Variants in KCNQ1 observed in about 807,000 individuals in gnomAD.
KCNQ1 encodes the protein potassium voltage-gated channel subfamily Q member 1.
In KCNQ1, 49 loss-of-function variants were observed where a neutral mutation model predicts 72.4. The observed-to-expected ratio is 0.68, with a 90% CI of 0.54 to 0.86. The LOEUF is 0.86. KCNQ1 is among the 40% of genes least tolerant of loss of function. KCNQ1 has a pLI of 0.00. For missense variants in KCNQ1, 790 were observed against 945.1 expected (o/e 0.84, Z 2.15); for synonymous variants, 450 against 412.6 (o/e 1.09, Z -1.10).
At chr11:2,521,511 G>T (rs1402290630) in intron 1 of KCNQ1, 1 of 470,660 alleles carries the variant, frequency 2.1e-6, no homozygotes, top group Non-Finnish European at 4.4e-6. Context: ...TCACGAGAGT[G>T]CAAAGTTCTG....
chr11:2,702,831 C>A (rs1448720566), intron 11 of KCNQ1, among the ~76,000 whole-genome samples: 1 of 152,164 alleles, frequency 6.6e-6, no homozygotes, highest in Non-Finnish European at 1.5e-5. Context: ...GCTCACCAGA[C>A]GTGGTCAGGA....
At position 2,648,466 on chromosome 11, in the gene KCNQ1, G is replaced by T. The variant is rs116561080; in HGVS notation, c.1394-13495G>T. The T allele has an allele frequency of 3.3e-3, 1,315 of 398,348 alleles. 13 individuals are homozygous for T. The highest frequency in any genetic ancestry group is 0.017 in the African/African-American group (841 of 48,698). 24.7% of individuals were successfully genotyped at this position (398,348 alleles called of 1,614,324 possible). ...TGTACCCTATACATTTTTGTATGCT[G>T]TGTTTCTATTTTCATTTGTTTCAAA... On this transcript the variant is annotated intron_variant, in intron 10 of 15. Coordinates refer to ENST00000155840, the MANE Select transcript of KCNQ1 (RefSeq NM_000218.3).
chr11:2,823,266 G>A (rs759931423), intron 15 of KCNQ1, among the ~76,000 whole-genome samples: 13 of 152,212 alleles, frequency 8.5e-5, no homozygotes, highest in Non-Finnish European at 1.6e-4. Context: ...GAAAATTTAT[G>A]AAGAGAGATG....
Position 2,787,507 on chromosome 11 carries a change from T to C in KCNQ1, c.1794+9470T>C, listed in dbSNP as rs11024084. On this transcript the variant is annotated intron_variant, in intron 15 of 15. Coordinates refer to ENST00000155840, the MANE Select transcript of KCNQ1 (RefSeq NM_000218.3). This position sits in a 1 kb window ranked among gnomAD's most constrained non-coding sequence, Gnocchi z 6.3. The stretch of plus-strand genomic sequence containing the variant: ...CCTTACTTCCTGGTCAGCTCATCCA[T>C]GCTAGCCACAGATATCATTTTAAAT... Among the ~76,000 whole-genome samples the C allele has an allele frequency of 0.2, 31,187 of 152,186 alleles. 3,419 individuals are homozygous for C. Among genetic ancestry groups the C allele is most frequent in the Admixed American group, 0.29 (4,447 of 15,290 alleles).
chr11:2,805,586 C>T (rs1280095875), intron 15 of KCNQ1, among the ~76,000 whole-genome samples: 1 of 152,202 alleles, frequency 6.6e-6, no homozygotes, highest in East Asian at 1.9e-4. Context: ...TCGTCCCTGG[C>T]TAACCTTACA....
At chr11:2,633,368 T>C (rs1450940173) in intron 10 of KCNQ1, 2 of 398,432 alleles carry the variant, frequency 5.0e-6, no homozygotes, top group Admixed American at 8.8e-5. Context: ...TGTAGGTTTT[T>C]AGTTTGATAC....
At position 2,588,840 on chromosome 11, in the gene KCNQ1, G is replaced by A. The variant is rs770410327; in HGVS notation, c.1379G>A (p.Gly460Asp). Residue 460 changes from glycine to aspartate, a missense_variant, in exon 10 of 16, where the codon GGC becomes GAC. Around this residue, in one of 5 missense-constraint regions of KCNQ1, gnomAD observed 178 missense variants for 177.9 expected, o/e 1.00. Transcript: ENST00000155840. The surrounding 1 kb of genome is among the most constrained non-coding windows in gnomAD (Gnocchi z 5.6). ...ERRLDHFSVD[G>D]YDSSVRKSPT... Reference sequence around the variant, plus strand: ...CGGCTGGACCACTTCTCTGTCGACGGCTATGACAGTTCTGGTGAGAACCCC... The same window carrying A: ...CGGCTGGACCACTTCTCTGTCGACGACTATGACAGTTCTGGTGAGAACCCC... 19 of 1,612,006 alleles carry A rather than the reference G, an allele frequency of 1.2e-5. No individual in the cohort carries two copies. The highest frequency in any genetic ancestry group is 1.7e-5 in the Admixed American group (1 of 59,960).
At chr11:2,814,776 A>C (rs1446915070) in intron 15 of KCNQ1, among the ~76,000 whole-genome samples, 1 of 152,146 alleles carries the variant, frequency 6.6e-6, no homozygotes, top group Non-Finnish European at 1.5e-5. Context: ...CGAGGCTGGC[A>C]TCCCCTCCTG....
In KCNQ1 at chr11:2,768,496, C is replaced by T. The variant is rs1412030175; in HGVS notation, c.1515-348C>T. Among the ~76,000 whole-genome samples, 1 of 152,108 alleles carries T rather than the reference C, an allele frequency of 6.6e-6. No homozygotes were observed. The highest frequency in any genetic ancestry group is 2.4e-5 in the African/African-American group (1 of 41,414). On this transcript the variant is annotated intron_variant, in intron 11 of 15. Transcript: ENST00000155840. This position sits in a 1 kb window ranked among gnomAD's most constrained non-coding sequence, Gnocchi z 6.7. ...ATTTGCTGACAAGGATCCTGAAGGCCCAAGCATAGAAAGAAGTTGCTATGG... is the reference window on the plus strand; with the variant it reads ...ATTTGCTGACAAGGATCCTGAAGGCTCAAGCATAGAAAGAAGTTGCTATGG...
At chr11:2,779,781 C>T (rs1209278411) in intron 15 of KCNQ1, among the ~76,000 whole-genome samples, 3 of 152,202 alleles carry the variant, frequency 2.0e-5, no homozygotes, top group Admixed American at 1.3e-4. Context: ...CCTGCTGGGG[C>T]CTGGGAACAA....
At chr11:2,649,148 TA>T (rs763380706) in intron 10 of KCNQ1, 2 of 398,246 alleles carry the variant, frequency 5.0e-6, no homozygotes, top group African/African-American at 4.1e-5. Context: ...AATTGGGTTT[TA>T]TTTTTTTAAT....
Position 2,475,620 on chromosome 11 carries a change from G to C in KCNQ1, c.386+30136G>C, listed in dbSNP as rs1279388581. 1.3e-5 allele frequency among the ~76,000 whole-genome samples: 2 copies of C among 152,198 alleles called. No homozygotes were observed. Among genetic ancestry groups the C allele is most frequent in the Non-Finnish European group, 2.9e-5 (2 of 68,040 alleles). The stretch of plus-strand genomic sequence containing the variant: ...TTCTAAATGGCTGGAGACATAGTCA[G>C]CTGTGAAGCTGTAACTTTCATGAAG... On this transcript the variant is annotated intron_variant, in intron 1 of 15. Transcript: ENST00000155840. This position sits in a 1 kb window ranked among gnomAD's most constrained non-coding sequence, Gnocchi z 5.8.
intron 15 of KCNQ1, among the ~76,000 whole-genome samples, chr11:2,796,789 C>T (rs545855814): frequency 3.9e-4 from 60 of 152,342 alleles, no homozygotes; most frequent in African/African-American, 1.3e-3. Context: ...TGTCCTTGTC[C>T]CCACACAAGC....
At chr11:2,470,870 C>G (rs369810038) in intron 1 of KCNQ1, among the ~76,000 whole-genome samples, 11 of 152,268 alleles carry the variant, frequency 7.2e-5, no homozygotes, top group African/African-American at 2.2e-4. Flanking sequence ...TCAACTTGTT[C>G]CCTTATGGAT....
intron 11 of KCNQ1, chr11:2,699,664 G>GGGGAGAACCGCGCCGAAGAACCCCCC: frequency 5.6e-6 from 2 of 358,570 alleles, no homozygotes; most frequent in South Asian, 1.3e-4. Flanking sequence ...AAGAACCCCC[G>GGGGAGAACCGCGCCGAAGAACCCCCC]GGGAGAACCG....
intron 11 of KCNQ1, among the ~76,000 whole-genome samples, chr11:2,702,254 C>T (rs540432280): frequency 2.0e-4 from 30 of 152,338 alleles, no homozygotes; most frequent in African/African-American, 6.0e-4. Context: ...GACAGATTTT[C>T]GAAACGTGGC....
rs1470290968 is a variant in KCNQ1, at chr11:2,809,398, CGCAGCCTCCTGGT to C, written c.1794+31367_1794+31379del. Among the ~76,000 whole-genome samples, 1 of 152,182 alleles carries C rather than the reference CGCAGCCTCCTGGT, an allele frequency of 6.6e-6. No individual in the cohort carries two copies. Among genetic ancestry groups the C allele is most frequent in the Non-Finnish European group, 1.5e-5 (1 of 68,034 alleles). On this transcript the variant is annotated intron_variant, in intron 15 of 15. Transcript: ENST00000155840. The surrounding 1 kb of genome is among the most constrained non-coding windows in gnomAD (Gnocchi z 7.1). Reference sequence around the variant, plus strand: ...GCCAGCGACGCTGCAACCCCGCCCCCGCAGCCTCCTGGTGCAGCACGTGTTCATTTATGGGTTG... The same window carrying C: ...GCCAGCGACGCTGCAACCCCGCCCCCGCAGCACGTGTTCATTTATGGGTTG...
intron 1 of KCNQ1, among the ~76,000 whole-genome samples, chr11:2,513,282 G>A (rs2133619647): frequency 6.6e-6 from 1 of 152,270 alleles, no homozygotes; most frequent in South Asian, 2.1e-4. Flanking sequence ...TCCCTGATAT[G>A]GCCACGCAGA....
intron 11 of KCNQ1, among the ~76,000 whole-genome samples, chr11:2,733,774 C>CCACACACACACACACACACACACACA (rs144399150): frequency 1.9e-4 from 11 of 57,480 alleles, no homozygotes; most frequent in Non-Finnish European, 2.8e-4. Flanking sequence ...TTCAGGCCTT[C>CCACACACACACACACACACACACACA]CACACACACA....
Sources: allele counts gnomAD v4.1 joint callset (sites outside exome capture counted in the v4.1 genomes callset), GRCh38; gene constraint gnomAD v4.1.1; regional missense constraint gnomAD v4.1.1; non-coding constraint Gnocchi (gnomAD v3.1); transcripts MANE v1.5; gene names NCBI Gene and HGNC (gene_info 2026-07-23, HGNC 2026-07-21).